Variants in EML6 observed in about 807,000 individuals in gnomAD.
The protein encoded by EML6 is echinoderm microtubule-associated protein-like 6.
In EML6, 154 loss-of-function variants were observed where a neutral mutation model predicts 240.1. The observed-to-expected ratio is 0.64, with a 90% CI of 0.56 to 0.73. The LOEUF is 0.73. Ranked by LOEUF, EML6 falls within the 30% of genes least tolerant of loss-of-function variation. The pLI, the probability that EML6 is intolerant of heterozygous loss-of-function variation, is 0.00. For missense variants in EML6, 2,964 were observed against 2,474.6 expected (o/e 1.20, Z -4.20); for synonymous variants, 1,148 against 899.0 (o/e 1.28, Z -4.95).
chr2:54,953,024 G>C (rs1676058018), intron 31 of EML6, among the ~76,000 whole-genome samples: 1 of 152,122 alleles, frequency 6.6e-6, no homozygotes, highest in African/African-American at 2.4e-5. Context: ...GCCAGGGTAG[G>C]TTTCAGTAAG....
Position 54,859,626 on chromosome 2 carries a change from G to A in EML6, c.1750G>A (p.Ala584Thr). ...TCAGTGGGTGTTGAGCACAGGAGGG[G>A]CTGATCACTCAGTTTTCCAGTGGAG... ...DFQWVLSTGG[A>T]DHSVFQWRFI... Residue 584 changes from alanine to threonine, a missense_variant, in exon 12 of 42, where the codon GCT becomes ACT. Physicochemically the swap from Ala to Thr is moderately conservative, Grantham distance 58. Transcript: ENST00000356458. 15 of 1,551,450 alleles carry A rather than the reference G, an allele frequency of 9.7e-6. No individual in the cohort carries two copies. The highest frequency in any genetic ancestry group is 1.3e-5 in the Non-Finnish European group (15 of 1,146,888).
chr2:54,968,967 CA>C (rs1301484819), intron 41 of EML6, among the ~76,000 whole-genome samples, 199 bp downstream of exon 41: 1 of 152,092 alleles, frequency 6.6e-6, no homozygotes, highest in African/African-American at 2.4e-5. Flanking sequence ...ACTGTCAACC[CA>C]ATGGTTGTGA....
chr2:54,887,233 T>C (rs1474786942), intron 17 of EML6, among the ~76,000 whole-genome samples: 1 of 152,242 alleles, frequency 6.6e-6, no homozygotes, highest in Non-Finnish European at 1.5e-5. Context: ...CTAATGGTTG[T>C]AGCATCAGCT....
chr2:54,897,280 CT>C (rs1672821083), intron 21 of EML6, among the ~76,000 whole-genome samples: 1 of 152,142 alleles, frequency 6.6e-6, no homozygotes, highest in Non-Finnish European at 1.5e-5. Flanking sequence ...TTGACCAAGG[CT>C]TTTCACTTCT....
At chr2:54,841,516 G>C (rs1025590757) in intron 7 of EML6, among the ~76,000 whole-genome samples, 1 of 151,802 alleles carries the variant, frequency 6.6e-6, no homozygotes, top group African/African-American at 2.4e-5. Context: ...ATTATAGTTA[G>C]GATGTCCGCG....
At chr2:54,780,451 G>T (rs1220256585) in intron 2 of EML6, among the ~76,000 whole-genome samples, 1 of 152,162 alleles carries the variant, frequency 6.6e-6, no homozygotes, top group Non-Finnish European at 1.5e-5. Context: ...GATCTTCTTT[G>T]CACATGCTTG....
chr2:54,828,315 G>A (rs1258128386), intron 6 of EML6, among the ~76,000 whole-genome samples: 1 of 152,192 alleles, frequency 6.6e-6, no homozygotes, highest in African/African-American at 2.4e-5. Flanking sequence ...GGTCTGCTCA[G>A]TAAGAACAAG....
intron 2 of EML6, among the ~76,000 whole-genome samples, chr2:54,798,156 T>C (rs1669921578): frequency 2.0e-5 from 3 of 152,104 alleles, no homozygotes; most frequent in African/African-American, 7.2e-5. Context: ...TTTTTCTATG[T>C]AGTATTTTAT....
intron 33 of EML6, 91 bp downstream of exon 33, chr2:54,958,089 C>A: frequency 8.8e-7 from 1 of 1,132,540 alleles, no homozygotes; most frequent in Non-Finnish European, 1.2e-6. Flanking sequence ...GGCCAAGAGG[C>A]TGAAAACAGC....
At chr2:54,856,718 A>G (rs1670401965) in intron 11 of EML6, among the ~76,000 whole-genome samples, 4 of 152,212 alleles carry the variant, frequency 2.6e-5, no homozygotes, top group Admixed American at 2.6e-4. Context: ...CTGTGTCGTA[A>G]AGGGCCCCCT....
chr2:54,965,005 A>T (rs908679778), intron 38 of EML6, among the ~76,000 whole-genome samples: 10 of 151,976 alleles, frequency 6.6e-5, no homozygotes, highest in African/African-American at 1.7e-4. Flanking sequence ...GCCCCTCACC[A>T]CCTCCTCTTC....
intron 2 of EML6, among the ~76,000 whole-genome samples, chr2:54,751,482 G>A (rs565368062): frequency 2.0e-4 from 30 of 152,168 alleles, no homozygotes; most frequent in Non-Finnish European, 3.8e-4. Flanking sequence ...TTAAATTAGA[G>A]CTTCTGCTTC....
intron 13 of EML6, 108 bp downstream of exon 13, chr2:54,863,997 G>A (rs180939871): frequency 3.3e-6 from 2 of 611,174 alleles, no homozygotes; most frequent in Admixed American, 3.8e-5. Context: ...GAGAATTGAG[G>A]CAAAAACAAG....
In EML6 at chr2:54,812,600, G is replaced by A. The variant is rs560650782; in HGVS notation, c.198-632G>A. On this transcript the variant is annotated intron_variant, in intron 2 of 41. Transcript: ENST00000356458. ...CTTAAAATACCAGTTGGTATTTGAC[G>A]AAGTTTCATTTTTATCGAACTACAG... Among the ~76,000 whole-genome samples the A allele has an allele frequency of 1.6e-3, 243 of 152,008 alleles. 1 individual carries two copies. Among genetic ancestry groups the A allele is most frequent in the Non-Finnish European group, 2.9e-3 (196 of 67,976 alleles).
intron 2 of EML6, among the ~76,000 whole-genome samples, chr2:54,788,694 A>T (rs750902722): frequency 5.3e-5 from 8 of 152,212 alleles, no homozygotes; most frequent in Non-Finnish European, 1.2e-4. Context: ...CAGTCATTTT[A>T]TTGGAAATTC....
chr2:54,731,621 A>AAAT (rs1553367453), intron 2 of EML6, among the ~76,000 whole-genome samples: 21 of 151,566 alleles, frequency 1.4e-4, no homozygotes, highest in African/African-American at 4.1e-4. Context: ...TGTCAAAAAA[A>AAAT]ATATATATAT....
chr2:54,858,141 C>G (rs1389735301), intron 11 of EML6, among the ~76,000 whole-genome samples: 2 of 152,186 alleles, frequency 1.3e-5, no homozygotes, highest in Non-Finnish European at 2.9e-5. Context: ...TTCGCTTCTT[C>G]CAAGATGGCT....
chr2:54,944,010 C>A (rs1175397909), intron 28 of EML6, among the ~76,000 whole-genome samples: 1 of 152,156 alleles, frequency 6.6e-6, no homozygotes, highest in Non-Finnish European at 1.5e-5. Flanking sequence ...GTGCCTCCCT[C>A]TCTCTTCTCA....
intron 7 of EML6, among the ~76,000 whole-genome samples, chr2:54,832,809 C>G (rs1197427718): frequency 6.6e-6 from 1 of 151,992 alleles, no homozygotes; most frequent in Non-Finnish European, 1.5e-5. Context: ...CTCTCTTTGC[C>G]TCAAACAAAC....
Sources: allele counts gnomAD v4.1 joint callset (sites outside exome capture counted in the v4.1 genomes callset), GRCh38; gene constraint gnomAD v4.1.1; transcripts MANE v1.5; gene names NCBI Gene and HGNC (gene_info 2026-07-23, HGNC 2026-07-21).